The following NRAP variants were observed in gnomAD, a reference collection of about 807,000 sequenced individuals.
NRAP encodes nebulin-related-anchoring protein.
NRAP carries 189 observed loss-of-function variants against 225.9 expected under a neutral mutation model. The observed-to-expected ratio is 0.84, with a 90% CI of 0.74 to 0.94. NRAP has a LOEUF of 0.94. Ranked by LOEUF, NRAP falls within the 40% of genes least tolerant of loss-of-function variation. The pLI, the probability that NRAP is intolerant of heterozygous loss-of-function variation, is 0.00. For missense variants in NRAP, 2,176 were observed against 2,168.7 expected (o/e 1.00, Z -0.07); for synonymous variants, 769 against 790.7 (o/e 0.97, Z 0.46).
At chr10:113,616,387 T>G (rs1326908991) in intron 26 of NRAP, among the ~76,000 whole-genome samples, 2 of 151,938 alleles carry the variant, frequency 1.3e-5, no homozygotes, top group African/African-American at 4.8e-5. Context: ...CCAAACAGGG[T>G]TTTTCCATCC....
In NRAP at chr10:113,647,645, C is replaced by CCCCCGGTGGTACTGTCT. The variant is rs1564752985; in HGVS notation, c.889-619_889-618insAGACAGTACCACCGGGG. 1.7e-3 allele frequency among the ~76,000 whole-genome samples: 58 copies of CCCCCGGTGGTACTGTCT among 33,370 alleles called. 5 individuals are homozygous for CCCCCGGTGGTACTGTCT. The highest frequency in any genetic ancestry group is 2.8e-3 in the African/African-American group (39 of 13,772). The allele number at this position is 33,370 out of a possible 152,430, so 21.9% of individuals were successfully genotyped here. A position where few individuals can be genotyped will look rare whatever the true frequency, so the allele number is the denominator to read the frequency against. On this transcript the variant is annotated intron_variant, in intron 9 of 41. Coordinates refer to ENST00000359988, the MANE Select transcript of NRAP (RefSeq NM_198060.4). ...ACTTCCTCCCCTAGTGGTACTGTCT[C>CCCCCGGTGGTACTGTCT]CCCCCGGTGGTACTGCCTCCCCCGG...
chr10:113,628,944 G>A lies in NRAP; in HGVS notation c.2118C>T (p.Ala706=), dbSNP rs1164223928. ...CGCTGACCAGCTGTCCAGCCTTCTTGGCTTGTTCCAAGTTGAGACTCCCCT... is the reference window on the plus strand; with the variant it reads ...CGCTGACCAGCTGTCCAGCCTTCTTAGCTTGTTCCAAGTTGAGACTCCCCT... ...LTEGSLNLEQ[A]KKAGQLVSEK... The change falls in exon 20 of 42, where the codon GCC becomes GCT. Residue 706 remains alanine, a synonymous_variant. Coordinates refer to ENST00000359988, the MANE Select transcript of NRAP (RefSeq NM_198060.4). 1.9e-6 allele frequency: 3 copies of A among 1,611,860 alleles called. No homozygotes were observed. In the South Asian group the frequency reaches 3.3e-5, roughly 18 times the overall value.
intron 6 of NRAP, among the ~76,000 whole-genome samples, chr10:113,652,335 C>T (rs1444563188): frequency 2.6e-5 from 4 of 152,150 alleles, no homozygotes; most frequent in African/African-American, 9.7e-5. Context: ...GTGAACCTGA[C>T]ATCCAGTTAA....
chr10:113,623,424 C>T lies in NRAP; in HGVS notation c.2457+105G>A, dbSNP rs1592789177. ...CATCTCCATTTTACAGATAAGAATC[C>T]TGAGATTCAGAGAGATTAAGAACCT... On this transcript the variant is annotated intron_variant, in intron 23 of 41. Coordinates refer to ENST00000359988, the MANE Select transcript of NRAP (RefSeq NM_198060.4). The T allele has an allele frequency of 1.3e-5, 8 of 628,482 alleles. No individual in the cohort carries two copies. In the South Asian group the frequency reaches 2.0e-4, roughly 16 times the overall value. The allele number at this position is 628,482 out of a possible 1,614,324, so 38.9% of individuals were successfully genotyped here.
chr10:113,654,642 G>A (rs761699571), intron 4 of NRAP, among the ~76,000 whole-genome samples: 1 of 152,152 alleles, frequency 6.6e-6, no homozygotes, highest in Non-Finnish European at 1.5e-5. Flanking sequence ...TTGTCTGAGT[G>A]ATAAGTACAA....
rs1317858156 is a variant in NRAP, at chr10:113,662,763, A to G, written c.171T>C (p.His57=). 1 of 1,556,026 alleles carries G rather than the reference A, an allele frequency of 6.4e-7. No homozygotes were observed. The highest frequency in any genetic ancestry group is 1.4e-5 in the African/African-American group (1 of 73,800). The change falls in exon 3 of 42, where the codon CAT becomes CAC. Residue 57 remains histidine, a synonymous_variant. Coordinates refer to ENST00000359988, the MANE Select transcript of NRAP (RefSeq NM_198060.4). ...SHQKKPYCHA[H]NPKNNTFTSV... is the part of the protein sequence containing the mutation. ...TGGTGAAAGTGTTGTTCTTAGGGTT[A>G]TGGCTACAACAAATAGGTATAAATC...
At chr10:113,605,589 C>T (rs546033848) in intron 34 of NRAP, among the ~76,000 whole-genome samples, 173 bp downstream of exon 34, 29 of 152,326 alleles carry the variant, frequency 1.9e-4, no homozygotes, top group Non-Finnish European at 3.7e-4. Context: ...ATTAATAGAG[C>T]CTTTCTTTTC....
chr10:113,604,834 G>C lies in NRAP; in HGVS notation c.4002C>G (p.Cys1334Trp), dbSNP rs761765201. Residue 1334 changes from cysteine (C) to tryptophan (W), a missense_variant, in exon 35 of 42, where the codon TGC becomes TGG. This residue lies in a region of NRAP where 1,708 missense variants were observed against 1,695.5 expected (regional missense o/e 1.01). Transcript: ENST00000359988. The part of the protein sequence containing the change: ...SVRDDPRIQH[C>W]RRMGQLQSEL... ...CGCTCTGCAGCTGGCCCATGCGCCG[G>C]CAGTGCTGGATCCGGGGGTCGTCTC... is the stretch of plus-strand genomic sequence containing the variant. 2 of 1,614,238 alleles carry C rather than the reference G, an allele frequency of 1.2e-6. No individual in the cohort carries two copies. The highest frequency in any genetic ancestry group is 4.5e-5 in the East Asian group (2 of 44,880).
At position 113,641,417 on chromosome 10, in the gene NRAP, C is replaced by A. The variant is rs1849195655; in HGVS notation, c.1271G>T (p.Gly424Val). ...NHMRGRYEGVGMDRRTLHAMK... is the reference protein window; with the variant it reads ...NHMRGRYEGVVMDRRTLHAMK... ...AGCATGCAGAGTGCGTCTGTCCATA[C>A]CAACTCCTTCATAGCGGCCTCTCAT... Residue 424 changes from glycine to valine, a missense_variant, in exon 13 of 42, where the codon GGT becomes GTT. Gly to Val is a moderately radical substitution (Grantham distance 109, BLOSUM62 -3). This residue lies in a region of NRAP where 1,708 missense variants were observed against 1,695.5 expected (regional missense o/e 1.01). Transcript: ENST00000359988. 1.2e-6 allele frequency: 2 copies of A among 1,613,906 alleles called. No homozygotes were observed. The highest frequency in any genetic ancestry group is 1.7e-6 in the Non-Finnish European group (2 of 1,179,938).
intron 35 of NRAP, among the ~76,000 whole-genome samples, chr10:113,604,185 C>T (rs958588264): frequency 2.0e-5 from 3 of 152,134 alleles, no homozygotes; most frequent in Non-Finnish European, 2.9e-5. Context: ...GGCGCGATCT[C>T]AGCTCACAGC....
chr10:113,632,237 C>A lies in NRAP; in HGVS notation c.1633-273G>T, dbSNP rs143540662. ...CTGATCATGTGACCTTGGCCAATAA[C>A]CTCTTGGGGCCTCAATCTCCTATTT... On this transcript the variant is annotated intron_variant, in intron 16 of 41. Transcript: ENST00000359988. Among the ~76,000 whole-genome samples the A allele has an allele frequency of 2.2e-4, 34 of 152,302 alleles. No individual in the cohort carries two copies. The East Asian group carries it at 6.2e-3, about 28-fold the overall frequency.
chr10:113,593,762 C>G (rs1452081961), intron 38 of NRAP, among the ~76,000 whole-genome samples: 1 of 151,234 alleles, frequency 6.6e-6, no homozygotes, highest in Admixed American at 6.6e-5. Flanking sequence ...ACCCTGATCA[C>G]TCTCTCTAAG....
intron 18 of NRAP, 129 bp downstream of exon 18, chr10:113,631,380 G>A: frequency 1.6e-6 from 1 of 621,008 alleles, no homozygotes; most frequent in East Asian, 2.7e-5. Flanking sequence ...TCTTATGCAA[G>A]CCAGGAAAGA....
At chr10:113,629,450 G>A (rs1848461100) in intron 19 of NRAP, 138 bp downstream of exon 19, 2 of 650,396 alleles carry the variant, frequency 3.1e-6, no homozygotes, top group Admixed American at 2.6e-5. Context: ...TGCCCTTTCT[G>A]GCCCCCTGGT....
chr10:113,624,936 G>A lies in NRAP; in HGVS notation c.2245-6C>T. 6.2e-7 allele frequency: 1 copy of A among 1,600,178 alleles called. No individual in the cohort carries two copies. On this transcript the variant is annotated splice_polypyrimidine_tract_variant and splice_region_variant and intron_variant, in intron 21 of 41. Transcript: ENST00000359988. ...TTTCCTGCCTTGTAGGCCACCTGTT[G>A]GGAAAGAGCACTGAGTCAGGAGCAG...
chr10:113,621,874 T>C lies in NRAP; in HGVS notation c.2764A>G (p.Ser922Gly). ...CACACTCACACAGAGCTTACATCAC[T>C]CTGTAAGCCATAAGCCTTCTTGGCC... ...EWAKKAYGLQ[S>G]DNQYRADVKW... The change falls in exon 24 of 42, where the codon AGT (serine) becomes GGT (glycine). Residue 922 changes from serine (S) to glycine (G), a missense_variant. Transcript: ENST00000359988. 1 of 1,607,832 alleles carries C rather than the reference T, an allele frequency of 6.2e-7. No homozygotes were observed. The highest frequency in any genetic ancestry group is 8.5e-7 in the Non-Finnish European group (1 of 1,175,412).
intron 9 of NRAP, among the ~76,000 whole-genome samples, chr10:113,649,152 A>C (rs1849776363): frequency 6.6e-6 from 1 of 152,230 alleles, no homozygotes; most frequent in African/African-American, 2.4e-5. Context: ...GCTCTGGCAG[A>C]CATTTTCAAA....
At chr10:113,592,365 G>C in intron 38 of NRAP, 64 bp from the exon 39 acceptor site, 1 of 1,070,350 alleles carries the variant, frequency 9.3e-7, no homozygotes, top group Non-Finnish European at 1.4e-6. Flanking sequence ...CATGTTGCTG[G>C]TACTCAGCAG....
chr10:113,634,986 T>C (rs563660907), intron 14 of NRAP, among the ~76,000 whole-genome samples: 39 of 152,186 alleles, frequency 2.6e-4, no homozygotes, highest in Middle Eastern at 3.4e-3. Flanking sequence ...CCCAAGGAAA[T>C]TGCCCTAAGC....
Sources: allele counts gnomAD v4.1 joint callset (sites outside exome capture counted in the v4.1 genomes callset), GRCh38; gene constraint gnomAD v4.1.1; regional missense constraint gnomAD v4.1.1; transcripts MANE v1.5; gene names NCBI Gene and HGNC (gene_info 2026-07-23, HGNC 2026-07-21).